The following KCNIP4 variants were observed in gnomAD, a reference collection of about 807,000 sequenced individuals.
KCNIP4 encodes Kv channel-interacting protein 4.
In KCNIP4, 12 loss-of-function variants were observed where a neutral mutation model predicts 34.0. The ratio of observed to expected loss-of-function variants is 0.35; its 90% CI spans 0.23 to 0.57. The LOEUF (loss-of-function observed/expected upper bound fraction) is 0.57. Among genes scored for constraint, KCNIP4 ranks in the 20% least tolerant of loss-of-function variants. The pLI, the probability that KCNIP4 is intolerant of heterozygous loss-of-function variation, is 0.83. For synonymous variants in KCNIP4, 124 were observed against 102.2 expected, an observed-to-expected ratio of 1.21 and a Z score of -1.29; for missense variants, 238 against 311.7, an observed-to-expected ratio of 0.76 and a Z score of 1.78.
In KCNIP4 at chr4:20,728,614, T is replaced by TAAAC. The variant is rs778357255; in HGVS notation, c.*1464_*1467dup. The TAAAC allele has an allele frequency of 7.9e-5, 12 of 152,754 alleles. No individual in the cohort carries two copies. The highest frequency in any genetic ancestry group is 1.7e-4 in the African/African-American group (7 of 41,578). 9.5% of individuals were successfully genotyped at this position (152,754 alleles called of 1,614,324 possible). On this transcript the variant is annotated 3_prime_UTR_variant, in exon 9 of 9. Coordinates refer to ENST00000382152, the MANE Select transcript of KCNIP4 (RefSeq NM_025221.6). ...ACCTGTAACATAGACAGTAGAGTTATAAACATTTTATTTTGCTTTTATTTT... is the reference window on the plus strand; with the variant it reads ...ACCTGTAACATAGACAGTAGAGTTATAAACAAACATTTTATTTTGCTTTTATTTT...
chr4:21,473,367 G>A lies in KCNIP4; in HGVS notation c.61+475204C>T, dbSNP rs772087871. 4.4e-4 allele frequency among the ~76,000 whole-genome samples: 67 copies of A among 152,228 alleles called. 1 individual carries two copies. The highest frequency in any genetic ancestry group is 1.9e-3 in the Admixed American group (29 of 15,288). ...GCCCTTTCCCTGTCCCTCCCACCTT[G>A]CCTCCTAAGAATGACTAATAATAAA... On this transcript the variant is annotated intron_variant, in intron 1 of 8. Transcript: ENST00000382152.
At chr4:21,848,164 T>C (rs1024606234) in intron 1 of KCNIP4, 2 of 152,120 alleles carry the variant, frequency 1.3e-5, no homozygotes, top group African/African-American at 4.8e-5. Context: ...CTTAATGAAT[T>C]AATTCTCTGT....
intron 1 of KCNIP4, among the ~76,000 whole-genome samples, chr4:21,076,591 G>T (rs768356487): frequency 2.0e-5 from 3 of 152,012 alleles, no homozygotes; most frequent in Non-Finnish European, 2.9e-5. Context: ...ACTTTCCTAG[G>T]TTCATTGTAA....
At chr4:21,119,533 G>A (rs894690123) in intron 1 of KCNIP4, among the ~76,000 whole-genome samples, 9 of 151,056 alleles carry the variant, frequency 6.0e-5, no homozygotes, top group Admixed American at 2.6e-4. Flanking sequence ...TTCAACATGT[G>A]TCTGAATGCT....
intron 1 of KCNIP4, among the ~76,000 whole-genome samples, chr4:21,042,996 T>G (rs28566860): frequency 0.028 from 4,199 of 152,312 alleles, 168 homozygotes; most frequent in African/African-American, 0.095. Flanking sequence ...TACTGTCTAG[T>G]CAAATTGATC....
intron 1 of KCNIP4, among the ~76,000 whole-genome samples, chr4:21,061,940 G>A (rs1041111650): frequency 6.6e-6 from 1 of 152,212 alleles, no homozygotes; most frequent in South Asian, 2.1e-4. Flanking sequence ...GCAGGCAGAT[G>A]GCCATCTACA....
At chr4:21,073,121 C>A (rs987810896) in intron 1 of KCNIP4, among the ~76,000 whole-genome samples, 1 of 152,096 alleles carries the variant, frequency 6.6e-6, no homozygotes. Context: ...ATTGACTTGG[C>A]AATGTGGGCT....
chr4:21,106,655 G>GCT (rs1748572568), intron 1 of KCNIP4, among the ~76,000 whole-genome samples: 1 of 151,412 alleles, frequency 6.6e-6, no homozygotes, highest in Non-Finnish European at 1.5e-5. Flanking sequence ...GAATGTGTTT[G>GCT]CTCTTGCTTT....
At chr4:21,352,554 G>C (rs759641706) in intron 1 of KCNIP4, among the ~76,000 whole-genome samples, 1 of 152,226 alleles carries the variant, frequency 6.6e-6, no homozygotes, top group African/African-American at 2.4e-5. Context: ...TGCCTTGCAA[G>C]GCTGCAGCCT....
intron 1 of KCNIP4, among the ~76,000 whole-genome samples, chr4:20,913,030 A>G (rs1043144544): frequency 6.6e-6 from 1 of 152,188 alleles, no homozygotes; most frequent in East Asian, 1.9e-4. Context: ...AATCCTAGGT[A>G]TATCCTGAAG....
chr4:21,494,069 A>G (rs1577459624), intron 1 of KCNIP4, among the ~76,000 whole-genome samples: 1 of 152,158 alleles, frequency 6.6e-6, no homozygotes, highest in East Asian at 1.9e-4. Flanking sequence ...TGAGTCCCCA[A>G]TTTCAGGTTT....
At chr4:21,125,732 C>T (rs1389510065) in intron 1 of KCNIP4, among the ~76,000 whole-genome samples, 1 of 152,090 alleles carries the variant, frequency 6.6e-6, no homozygotes, top group Non-Finnish European at 1.5e-5. Flanking sequence ...TACAAAACAA[C>T]CATACTACCA....
chr4:21,290,115 G>T (rs1763349286), intron 1 of KCNIP4, among the ~76,000 whole-genome samples: 1 of 152,052 alleles, frequency 6.6e-6, no homozygotes, highest in African/African-American at 2.4e-5. Context: ...TATAGAGATG[G>T]CTCTTTATCA....
At chr4:20,967,363 T>C (rs1468155454) in intron 1 of KCNIP4, among the ~76,000 whole-genome samples, 2 of 152,100 alleles carry the variant, frequency 1.3e-5, no homozygotes, top group Non-Finnish European at 2.9e-5. Flanking sequence ...CCCAAGGTAA[T>C]TTGTAGATTC....
chr4:21,909,848 T>C (rs1185246941), intron 1 of KCNIP4, among the ~76,000 whole-genome samples: 1 of 152,052 alleles, frequency 6.6e-6, no homozygotes, highest in Non-Finnish European at 1.5e-5. Context: ...TTTCCCCTTA[T>C]GAAGCCATCA....
At chr4:21,097,623 C>T (rs1577684752) in intron 1 of KCNIP4, among the ~76,000 whole-genome samples, 1 of 151,994 alleles carries the variant, frequency 6.6e-6, no homozygotes, top group African/African-American at 2.4e-5. Context: ...TTGTTTGGGG[C>T]ACCATAAACC....
intron 1 of KCNIP4, among the ~76,000 whole-genome samples, chr4:21,411,886 T>C (rs1724542842): frequency 6.6e-6 from 1 of 152,134 alleles, no homozygotes; most frequent in South Asian, 2.1e-4. Flanking sequence ...TGTTTTCTAT[T>C]TCATTCACAT....
intron 1 of KCNIP4, among the ~76,000 whole-genome samples, chr4:21,576,770 AATT>A (rs1740768966): frequency 6.6e-6 from 1 of 152,152 alleles, no homozygotes; most frequent in Non-Finnish European, 1.5e-5. Flanking sequence ...CTATGATAAT[AATT>A]ATCTTATATT....
chr4:21,105,806 G>T (rs1043681662), intron 1 of KCNIP4, among the ~76,000 whole-genome samples: 7 of 151,606 alleles, frequency 4.6e-5, no homozygotes, highest in Non-Finnish European at 8.8e-5. Flanking sequence ...TTAGCATGAA[G>T]GGTTGTTGAA....
Sources: allele counts gnomAD v4.1 joint callset (sites outside exome capture counted in the v4.1 genomes callset), GRCh38; gene constraint gnomAD v4.1.1; transcripts MANE v1.5; gene names NCBI Gene and HGNC (gene_info 2026-07-23, HGNC 2026-07-21).